UBTD1: variants seen among roughly 807,000 people sequenced by gnomAD.
UBTD1 encodes the protein ubiquitin domain-containing protein 1.
Under a neutral mutation model 21.7 loss-of-function variants are expected in UBTD1, and 19 were observed. That is an observed-to-expected ratio of 0.87 (90% confidence interval 0.61 to 1.28). The LOEUF (loss-of-function observed/expected upper bound fraction) is 1.28. UBTD1 is among the 50% of genes most tolerant of loss of function. The pLI is 0.00. For synonymous variants in UBTD1, 116 were observed against 135.1 expected (o/e 0.86, Z 0.98); for missense variants, 282 against 315.1 (o/e 0.89, Z 0.80).
At chr10:97,531,882 T>C (rs2040533833) in intron 1 of UBTD1, among the ~76,000 whole-genome samples, 1 of 152,132 alleles carries the variant, frequency 6.6e-6, no homozygotes, top group Non-Finnish European at 1.5e-5. Flanking sequence ...GGGATTTTGC[T>C]AAGAATTTAC....
intron 1 of UBTD1, among the ~76,000 whole-genome samples, chr10:97,545,922 C>G (rs1244849871): frequency 6.6e-6 from 1 of 152,160 alleles, no homozygotes; most frequent in Non-Finnish European, 1.5e-5. Flanking sequence ...GTAGCTGGGA[C>G]TACAGGCATG....
At chr10:97,503,185 G>T (rs1444770090) in intron 1 of UBTD1, among the ~76,000 whole-genome samples, 2 of 152,118 alleles carry the variant, frequency 1.3e-5, no homozygotes, top group Non-Finnish European at 2.9e-5. Context: ...GAAAGTGCTG[G>T]GATTACTGGC....
rs1278583132 is a variant in UBTD1 at position 97,514,986 on chromosome 10, G to A, written c.70+15713G>A. ...GTGCATAGGATCTGGCATAAATAAC[G>A]CATAAGCAGGGTTGCAAGCTCTGTG... On this transcript the variant is annotated intron_variant, in intron 1 of 2. Coordinates refer to ENST00000370664, the MANE Select transcript of UBTD1 (RefSeq NM_024954.5). Among the ~76,000 whole-genome samples, 4 of 152,150 alleles carry A rather than the reference G, an allele frequency of 2.6e-5. No individual in the cohort carries two copies. In the South Asian group the frequency reaches 6.2e-4, roughly 24 times the overall value.
At chr10:97,547,084 C>T (rs376758951) in intron 1 of UBTD1, among the ~76,000 whole-genome samples, 4 of 152,160 alleles carry the variant, frequency 2.6e-5, no homozygotes, top group African/African-American at 9.7e-5. Flanking sequence ...GGGGACATGC[C>T]CCCTTGGAGT....
intron 1 of UBTD1, among the ~76,000 whole-genome samples, chr10:97,512,577 C>T (rs1304149355): frequency 1.3e-5 from 2 of 152,234 alleles, no homozygotes; most frequent in Non-Finnish European, 2.9e-5. Flanking sequence ...TTCCTAAGGA[C>T]AGAATGGGCC....
intron 1 of UBTD1, among the ~76,000 whole-genome samples, chr10:97,544,963 T>C (rs1258981086): frequency 6.6e-6 from 1 of 152,088 alleles, no homozygotes; most frequent in Admixed American, 6.5e-5. Flanking sequence ...GGGTTGGTCT[T>C]GCTGTCTCAG....
chr10:97,522,953 G>A (rs530258904), intron 1 of UBTD1, among the ~76,000 whole-genome samples: 104 of 152,230 alleles, frequency 6.8e-4, no homozygotes, highest in Middle Eastern at 6.8e-3. Context: ...TTCTTTTTCC[G>A]CTGTCTCCTT....
At chr10:97,525,117 A>G (rs1406571263) in intron 1 of UBTD1, among the ~76,000 whole-genome samples, 1 of 152,238 alleles carries the variant, frequency 6.6e-6, no homozygotes, top group Non-Finnish European at 1.5e-5. Flanking sequence ...GGCAACTTGC[A>G]CATGTGCCCC....
intron 1 of UBTD1, among the ~76,000 whole-genome samples, chr10:97,565,795 T>G (rs2040714620): frequency 6.6e-6 from 1 of 152,144 alleles, no homozygotes; most frequent in Non-Finnish European, 1.5e-5. Context: ...CACTGCAGCC[T>G]CAACCTTTCT....
chr10:97,504,003 C>T (rs944904018), intron 1 of UBTD1, among the ~76,000 whole-genome samples: 1 of 152,114 alleles, frequency 6.6e-6, no homozygotes, highest in Admixed American at 6.6e-5. Context: ...CTGTACCTCC[C>T]AAAGTCTTTC....
intron 1 of UBTD1, among the ~76,000 whole-genome samples, chr10:97,564,455 CA>C (rs1365230189): frequency 6.6e-6 from 1 of 152,208 alleles, no homozygotes; most frequent in Non-Finnish European, 1.5e-5. Flanking sequence ...AAAAATCTAG[CA>C]CCTGTTAAAG....
chr10:97,551,555 C>G (rs919866388), intron 1 of UBTD1, among the ~76,000 whole-genome samples: 5 of 152,190 alleles, frequency 3.3e-5, no homozygotes, highest in Non-Finnish European at 7.3e-5. Flanking sequence ...TGAAGCTTAT[C>G]TAGGACAGGA....
At position 97,570,086 on chromosome 10, in the gene UBTD1, T is replaced by C; in HGVS notation, c.299-52T>C. 1.9e-6 allele frequency: 3 copies of C among 1,548,714 alleles called. No homozygotes were observed. Among genetic ancestry groups the C allele is most frequent in the Middle Eastern group, 3.5e-4 (2 of 5,764 alleles). On this transcript the variant is annotated intron_variant, in intron 2 of 2. Coordinates refer to ENST00000370664, the MANE Select transcript of UBTD1 (RefSeq NM_024954.5). This position sits in a 1 kb window ranked among gnomAD's most constrained non-coding sequence, Gnocchi z 6.6. ...AATTTGGGGGGACCCAAACATTTAA[T>C]CCATGATAGTGGATCCCCAAGCTGA...
Position 97,515,362 on chromosome 10 carries a change from C to T in UBTD1, c.70+16089C>T, listed in dbSNP as rs569824029. On this transcript the variant is annotated intron_variant, in intron 1 of 2. Transcript: ENST00000370664. ...TTTGGCAGATATAGGAAAGCCAGAA[C>T]GTGGGGCCAGTTTTTCTTCATTCAG... Among the ~76,000 whole-genome samples, 10 of 152,292 alleles carry T rather than the reference C, an allele frequency of 6.6e-5. No individual in the cohort carries two copies. In the South Asian group the frequency reaches 1.4e-3, roughly 22 times the overall value.
intron 1 of UBTD1, among the ~76,000 whole-genome samples, chr10:97,525,279 G>GA (rs2040483331): frequency 6.6e-6 from 1 of 152,180 alleles, no homozygotes; most frequent in Non-Finnish European, 1.5e-5. Context: ...CCAAAACAGA[G>GA]AATCTCTTTT....
chr10:97,528,970 G>C (rs1193973347), intron 1 of UBTD1, among the ~76,000 whole-genome samples: 13 of 151,422 alleles, frequency 8.6e-5, no homozygotes, highest in African/African-American at 3.2e-4. Flanking sequence ...CTCCCGGACA[G>C]GGTGGCTGCC....
At position 97,519,749 on chromosome 10, in the gene UBTD1, A is replaced by G. The variant is rs550233547; in HGVS notation, c.70+20476A>G. Reference sequence around the variant, plus strand: ...TATTGCAGGAATTCTCAAGTGAGGCATAGCAGTTTTAGGTGGGGGTGTATA... The same window carrying G: ...TATTGCAGGAATTCTCAAGTGAGGCGTAGCAGTTTTAGGTGGGGGTGTATA... On this transcript the variant is annotated intron_variant, in intron 1 of 2. Transcript: ENST00000370664. Among the ~76,000 whole-genome samples, 4 of 152,354 alleles carry G rather than the reference A, an allele frequency of 2.6e-5. No homozygotes were observed. In the East Asian group the frequency reaches 7.7e-4, roughly 29 times the overall value.
chr10:97,566,102 T>A (rs991310228), intron 1 of UBTD1, among the ~76,000 whole-genome samples: 28 of 152,162 alleles, frequency 1.8e-4, no homozygotes, highest in Non-Finnish European at 2.9e-4. Flanking sequence ...TAAACATTTT[T>A]AAAAAATCTC....
In UBTD1 at chr10:97,568,093, G is replaced by A. The variant is rs771826296; in HGVS notation, c.250G>A (p.Glu84Lys). 43 of 1,613,684 alleles carry A rather than the reference G, an allele frequency of 2.7e-5. No homozygotes were observed. The highest frequency in any genetic ancestry group is 3.3e-4 in the Middle Eastern group (2 of 6,084). ...AAYAAEANDH[E>K]LAQAILDGAS... ...CTATGCTGCTGAAGCCAACGACCACGAGCTGGCCCAGGCCATCCTGGATGG... is the reference window on the plus strand; with the variant it reads ...CTATGCTGCTGAAGCCAACGACCACAAGCTGGCCCAGGCCATCCTGGATGG... The change falls in exon 2 of 3, where the codon GAG becomes AAG. Residue 84 changes from glutamate to lysine, a missense_variant. Transcript: ENST00000370664.
Sources: gnomAD v4.1 joint callset for allele counts (sites outside exome capture counted in the v4.1 genomes callset) on GRCh38, gnomAD v4.1.1 for gene constraint, Gnocchi (gnomAD v3.1) non-coding constraint, MANE v1.5 for transcripts, NCBI Gene and HGNC (gene_info 2026-07-23, HGNC 2026-07-21) for gene names.